The following FMNL2 variants were observed in gnomAD, a reference collection of about 807,000 sequenced individuals.
FMNL2 encodes the protein formin-like protein 2.
A neutral mutation model predicts 130.2 loss-of-function variants in FMNL2; 51 were observed. The ratio of observed to expected loss-of-function variants is 0.39; its 90% CI spans 0.31 to 0.49. The LOEUF (loss-of-function observed/expected upper bound fraction) is 0.49. Ranked by LOEUF, FMNL2 falls within the 20% of genes least tolerant of loss-of-function variation. The probability of loss-of-function intolerance (pLI) is 0.85; values close to 1 mark genes in which losing one functional copy is unlikely to be tolerated. For missense variants in FMNL2, 977 were observed against 1,316.2 expected (o/e 0.74, Z 3.99); for synonymous variants, 465 against 467.1 (o/e 1.00, Z 0.06).
intron 1 of FMNL2, among the ~76,000 whole-genome samples, chr2:152,375,896 T>TATATATAC (rs1553871971): frequency 1.3e-4 from 18 of 143,668 alleles, no homozygotes; most frequent in South Asian, 6.8e-4. Context: ...TATATATATA[T>TATATATAC]AATTATTATT....
At chr2:152,639,168 G>A (rs887306645) in intron 23 of FMNL2, among the ~76,000 whole-genome samples, 1 of 152,172 alleles carries the variant, frequency 6.6e-6, no homozygotes, top group African/African-American at 2.4e-5. Context: ...CACTCACCTA[G>A]GGACTTTGTA....
chr2:152,377,966 G>A (rs1221141171), intron 1 of FMNL2, among the ~76,000 whole-genome samples: 1 of 152,048 alleles, frequency 6.6e-6, no homozygotes, highest in African/African-American at 2.4e-5. Context: ...ACAAAAATTA[G>A]CCAGGCATGG....
At chr2:152,568,085 A>G (rs1196777107) in intron 6 of FMNL2, among the ~76,000 whole-genome samples, 1 of 152,250 alleles carries the variant, frequency 6.6e-6, no homozygotes, top group Non-Finnish European at 1.5e-5. Context: ...GGAGAAAGAC[A>G]GACATATACA....
intron 1 of FMNL2, among the ~76,000 whole-genome samples, chr2:152,420,198 GT>G (rs1158745289): frequency 6.6e-6 from 1 of 152,142 alleles, no homozygotes; most frequent in Non-Finnish European, 1.5e-5. Context: ...TTAAAAGAGA[GT>G]AGTGACACAG....
rs903010336 is a variant in FMNL2 at position 152,627,879 on chromosome 2, G to T, written c.2166-420G>T. 2.6e-5 allele frequency among the ~76,000 whole-genome samples: 4 copies of T among 152,164 alleles called. No individual in the cohort carries two copies. In the East Asian group the frequency reaches 7.7e-4, roughly 29 times the overall value. ...TTTTACATAATTCACCAGATATTCT[G>T]TACTAATGTGTACAGTGTTAATCTC... On this transcript the variant is annotated intron_variant, in intron 17 of 25. Coordinates refer to ENST00000288670, the MANE Select transcript of FMNL2 (RefSeq NM_052905.4).
intron 1 of FMNL2, among the ~76,000 whole-genome samples, chr2:152,439,617 A>C (rs1687952441): frequency 6.6e-6 from 1 of 152,038 alleles, no homozygotes; most frequent in Admixed American, 6.6e-5. Context: ...TTTAGCATTA[A>C]ATGAATATCT....
intron 1 of FMNL2, among the ~76,000 whole-genome samples, chr2:152,499,696 A>C (rs916959559): frequency 6.6e-6 from 1 of 152,208 alleles, no homozygotes; most frequent in African/African-American, 2.4e-5. Flanking sequence ...TTCTGCTGGC[A>C]GATGGTTGGC....
rs542012003 is a variant in FMNL2 at position 152,406,148 on chromosome 2, A to AG, written c.117+70428_117+70429insG. On this transcript the variant is annotated intron_variant, in intron 1 of 25. Coordinates refer to ENST00000288670, the MANE Select transcript of FMNL2 (RefSeq NM_052905.4). ...CTATGTCTATAAGTGTATGCTGCACATTTTTTTCCTTCAGTAGTAGAGAAT... is the reference window on the plus strand; with the variant it reads ...CTATGTCTATAAGTGTATGCTGCACAGTTTTTTTCCTTCAGTAGTAGAGAAT... Among the ~76,000 whole-genome samples, 22 of 152,046 alleles carry AG rather than the reference A, an allele frequency of 1.4e-4. 1 individual carries two copies. Among genetic ancestry groups the AG allele is most frequent in the African/African-American group, 4.8e-4 (20 of 41,454 alleles).
chr2:152,565,886 C>T (rs1695808729), intron 6 of FMNL2, among the ~76,000 whole-genome samples: 3 of 152,048 alleles, frequency 2.0e-5, no homozygotes, highest in Non-Finnish European at 4.4e-5. Context: ...CTCAAGAAAT[C>T]GTCCCCCTTC....
intron 25 of FMNL2, chr2:152,643,579 T>A (rs1291779916): frequency 6.5e-7 from 1 of 1,529,696 alleles, no homozygotes; most frequent in Non-Finnish European, 8.8e-7. Flanking sequence ...TATGTCCCCC[T>A]CTGTGTGTCT....
chr2:152,451,914 A>G (rs1434499471), intron 1 of FMNL2, among the ~76,000 whole-genome samples: 2 of 152,104 alleles, frequency 1.3e-5, no homozygotes, highest in Non-Finnish European at 2.9e-5. Context: ...GAGAGAATAC[A>G]CTGTAGAGAA....
chr2:152,620,455 G>T (rs1229930328), intron 15 of FMNL2, among the ~76,000 whole-genome samples: 1 of 152,128 alleles, frequency 6.6e-6, no homozygotes, highest in Non-Finnish European at 1.5e-5. Context: ...CGGAAACAAA[G>T]ATGACGCTAC....
chr2:152,619,693 A>G lies in FMNL2; in HGVS notation c.1812A>G (p.Thr604=), dbSNP rs931810334. The change falls in exon 15 of 26, where the codon ACA becomes ACG. Residue 604 remains threonine, a synonymous_variant. Transcript: ENST00000288670. ...CGCTGCCTGGAACATCTTCACCCACAGTGGTTTTCAACTCAGGATTAGCAG... is the reference window on the plus strand; with the variant it reads ...CGCTGCCTGGAACATCTTCACCCACGGTGGTTTTCAACTCAGGATTAGCAG... ...APPLPGTSSP[T]VVFNSGLAAV... 3 of 1,611,934 alleles carry G rather than the reference A, an allele frequency of 1.9e-6. No homozygotes were observed. The highest frequency in any genetic ancestry group is 2.2e-5 in the South Asian group (2 of 90,238).
chr2:152,529,029 C>G (rs562518911), intron 2 of FMNL2, among the ~76,000 whole-genome samples: 1 of 152,306 alleles, frequency 6.6e-6, no homozygotes, highest in South Asian at 2.1e-4. Flanking sequence ...CGGAGACTAG[C>G]TGAGCACCCA....
At chr2:152,606,230 A>T (rs1215768158) in intron 9 of FMNL2, among the ~76,000 whole-genome samples, 1 of 152,238 alleles carries the variant, frequency 6.6e-6, no homozygotes, top group Non-Finnish European at 1.5e-5. Context: ...GGAGTTTAGC[A>T]TGTGAAACCT....
chr2:152,379,108 A>T (rs1463926077), intron 1 of FMNL2, among the ~76,000 whole-genome samples: 2 of 151,698 alleles, frequency 1.3e-5, no homozygotes, highest in African/African-American at 4.8e-5. Context: ...ATCAGCAGAG[A>T]TGCTGAGCCC....
chr2:152,562,074 TA>T (rs1172175750), intron 6 of FMNL2, among the ~76,000 whole-genome samples: 2 of 152,330 alleles, frequency 1.3e-5, no homozygotes, highest in East Asian at 3.9e-4. Flanking sequence ...TTGTCAGGCG[TA>T]ACACTTAATA....
At chr2:152,582,022 T>G (rs1331448518) in intron 9 of FMNL2, among the ~76,000 whole-genome samples, 3 of 152,336 alleles carry the variant, frequency 2.0e-5, no homozygotes, top group East Asian at 3.9e-4. Context: ...ACCAGCTACA[T>G]GCATGGCATC....
chr2:152,426,708 G>A (rs1020224884), intron 1 of FMNL2, among the ~76,000 whole-genome samples: 2 of 151,640 alleles, frequency 1.3e-5, no homozygotes, highest in African/African-American at 4.9e-5. Flanking sequence ...AAACACAGAA[G>A]CATATAAAAC....
Sources: allele counts gnomAD v4.1 joint callset (sites outside exome capture counted in the v4.1 genomes callset), GRCh38; gene constraint gnomAD v4.1.1; transcripts MANE v1.5; gene names NCBI Gene and HGNC (gene_info 2026-07-23, HGNC 2026-07-21).